Variants in VPS9D1 observed in about 807,000 individuals in gnomAD.
VPS9D1 encodes VPS9 domain-containing protein 1.
Under a neutral mutation model 75.8 loss-of-function variants are expected in VPS9D1, and 78 were observed. The ratio of observed to expected loss-of-function variants is 1.03; its 90% CI spans 0.86 to 1.24. The LOEUF (loss-of-function observed/expected upper bound fraction) is 1.24. Ranked by LOEUF, VPS9D1 falls within the 50% of genes most tolerant of loss-of-function variation. The probability of loss-of-function intolerance (pLI) is 0.00; values close to 1 mark genes in which losing one functional copy is unlikely to be tolerated. For missense variants in VPS9D1, 1,057 were observed against 847.7 expected (o/e 1.25, Z -3.07); for synonymous variants, 481 against 385.6 (o/e 1.25, Z -2.90).
At chr16:89,720,668 T>C (rs1035607203) in intron 1 of VPS9D1, 95 bp downstream of exon 1, 9 of 1,250,202 alleles carry the variant, frequency 7.2e-6, no homozygotes, top group Middle Eastern at 3.1e-4. Context: ...CTCCCAAGTC[T>C]CCAGCCCGAG....
At chr16:89,711,041 C>T (rs1464579403) in intron 9 of VPS9D1, 31 bp from the exon 10 acceptor site, 4 of 1,432,030 alleles carry the variant, frequency 2.8e-6, no homozygotes, top group Admixed American at 2.9e-5. Flanking sequence ...AGAACGCGGC[C>T]AGCCTCGGCC....
Position 89,716,613 on chromosome 16 carries a change from G to A in VPS9D1, c.280C>T (p.Leu94=), listed in dbSNP as rs774620484. Reference sequence around the variant, plus strand: ...GCAGCTGCAGGCATGGTTGGCTTCAGGCGTGTTTTCCCTGCAAGCCATGGG... The same window carrying A: ...GCAGCTGCAGGCATGGTTGGCTTCAAGCGTGTTTTCCCTGCAAGCCATGGG... ...STAAKLGKTR[L]KPTMPAAAPI... The change falls in exon 4 of 15, where the codon CTG becomes TTG. Residue 94 remains leucine (L), a synonymous_variant. Coordinates refer to ENST00000389386, the MANE Select transcript of VPS9D1 (RefSeq NM_004913.3). 2 of 1,613,278 alleles carry A rather than the reference G, an allele frequency of 1.2e-6. No individual in the cohort carries two copies. Among genetic ancestry groups the A allele is most frequent in the East Asian group, 2.2e-5 (1 of 44,862 alleles).
chr16:89,711,611 CCCTCGCTGGGACCCTCCCT>C (rs2060923967), intron 8 of VPS9D1, 199 bp from the exon 9 acceptor site: 9 of 652,144 alleles, frequency 1.4e-5, no homozygotes, highest in Admixed American at 3.1e-5. Context: ...TGGGCCTGCA[CCCTCGCTGGGACCCTCCCT>C]CCTCGCAGGG....
chr16:89,708,453 C>G lies in VPS9D1; in HGVS notation c.1776G>C (p.Ala592=), dbSNP rs760737772. 3 of 1,612,712 alleles carry G rather than the reference C, an allele frequency of 1.9e-6. No individual in the cohort carries two copies. Among genetic ancestry groups the G allele is most frequent in the South Asian group, 2.2e-5 (2 of 90,976 alleles). ...SGLPQLVSEC[A]ALEEFIHEGY... The stretch of plus-strand genomic sequence containing the variant: ...CCTCGTGGATGAACTCCTCCAGGGC[C>G]GCGCACTCCGACACCAGCTGAGGGA... Residue 592 remains alanine (A), a synonymous_variant, in exon 14 of 15, where the codon GCG becomes GCC. Transcript: ENST00000389386.
rs1219985198 is a variant in VPS9D1 at position 89,711,922 on chromosome 16, C to G, written c.707G>C (p.Arg236Pro). The change falls in exon 8 of 15, where the codon CGG becomes CCG. Residue 236 changes from arginine (R) to proline (P), a missense_variant. Coordinates refer to ENST00000389386, the MANE Select transcript of VPS9D1 (RefSeq NM_004913.3). ...VALTPEEREQ[R>P]ALYAAILEYE... is the part of the protein sequence containing the mutation. Reference sequence around the variant, plus strand: ...CTCCAGGATGGCGGCGTAAAGGGCCCGCTGCTCCCGTTCCTCCGGGGTCAG... The same window carrying G: ...CTCCAGGATGGCGGCGTAAAGGGCCGGCTGCTCCCGTTCCTCCGGGGTCAG... 1 of 1,551,576 alleles carries G rather than the reference C, an allele frequency of 6.4e-7. No individual in the cohort carries two copies. The highest frequency in any genetic ancestry group is 8.7e-7 in the Non-Finnish European group (1 of 1,147,146).
At chr16:89,712,317 C>T (rs1358029649) in intron 6 of VPS9D1, 143 bp downstream of exon 6, 10 of 1,379,782 alleles carry the variant, frequency 7.2e-6, no homozygotes, top group Middle Eastern at 2.5e-4. Context: ...CCCTGAGACC[C>T]TGCCTCTGCA....
At position 89,712,061 on chromosome 16, in the gene VPS9D1, C is replaced by G; in HGVS notation, c.645G>C (p.Gln215His). Reference sequence around the variant, plus strand: ...AGGAGTCCCACCTGTTGGCGGCCTCCTGGAGCCGCAGCCGGCGCTCCTCCA... The same window carrying G: ...AGGAGTCCCACCTGTTGGCGGCCTCGTGGAGCCGCAGCCGGCGCTCCTCCA... Reference protein sequence around the residue: ...RKMEERRLRLQEAANRRFCSQ... With the variant: ...RKMEERRLRLHEAANRRFCSQ... The change falls in exon 7 of 15, where the codon CAG (glutamine) becomes CAC (histidine). Residue 215 changes from glutamine (Q) to histidine (H), a missense_variant. By Grantham distance (24) the Gln-to-His change is conservative. Coordinates refer to ENST00000389386, the MANE Select transcript of VPS9D1 (RefSeq NM_004913.3). The G allele has an allele frequency of 6.5e-7, 1 of 1,548,706 alleles. No individual in the cohort carries two copies.
chr16:89,715,083 G>A (rs1388829006), intron 4 of VPS9D1, among the ~76,000 whole-genome samples: 3 of 152,024 alleles, frequency 2.0e-5, no homozygotes, highest in African/African-American at 7.2e-5. Flanking sequence ...ATTCATTCTA[G>A]CTATCTTTTG....
At chr16:89,708,169 C>T (rs993135796) in intron 14 of VPS9D1, among the ~76,000 whole-genome samples, 4 of 152,210 alleles carry the variant, frequency 2.6e-5, no homozygotes, top group Non-Finnish European at 5.9e-5. Flanking sequence ...GATCCTTATC[C>T]CCTCCCCAGG....
chr16:89,709,815 A>C lies in VPS9D1; in HGVS notation c.1350T>G (p.Phe450Leu), dbSNP rs199613905. Residue 450 changes from phenylalanine to leucine, a missense_variant, in exon 11 of 15, where the codon TTT (phenylalanine) becomes TTG (leucine). Transcript: ENST00000389386. ...DRCLACIEEP[F>L]FSPLWPLLLA... ...GCAGCAGAGGCCACAGCGGGGAGAA[A>C]AAGGGTTCCTCAATGCAGGCCAGGC... 3 of 1,613,706 alleles carry C rather than the reference A, an allele frequency of 1.9e-6. No individual in the cohort carries two copies. The highest frequency in any genetic ancestry group is 2.7e-5 in the African/African-American group (2 of 74,968).
chr16:89,719,068 T>C lies in VPS9D1; in HGVS notation c.134A>G (p.Tyr45Cys), dbSNP rs375400111. Residue 45 changes from tyrosine (Y) to cysteine (C), a missense_variant, in exon 2 of 15, where the codon TAT becomes TGT. Tyr to Cys is a radical substitution (Grantham distance 194). Transcript: ENST00000389386. Reference protein sequence around the residue: ...AYTEYLRSIHYISQVLLEEVE... With the variant: ...AYTEYLRSIHCISQVLLEEVE... ...TTCTTCTAGTAACACCTGGGAGATA[T>C]AGTGGATGCTCCTCAGGTATTCCGT... 8 of 1,613,530 alleles carry C rather than the reference T, an allele frequency of 5.0e-6. No homozygotes were observed. The highest frequency in any genetic ancestry group is 4.0e-5 in the African/African-American group (3 of 74,922).
chr16:89,708,427 C>G lies in VPS9D1; in HGVS notation c.1802G>C (p.Gly601Ala). ...CAALEEFIHEGYLIGEEGYCL... is the reference protein window; with the variant it reads ...CAALEEFIHEAYLIGEEGYCL... ...CCCACCCTGACCCGCCAGGGTCTAC[C>G]CCTCGTGGATGAACTCCTCCAGGGC... Residue 601 changes from glycine to alanine, a missense_variant and splice_region_variant, in exon 14 of 15, where the codon GGG becomes GCG. Coordinates refer to ENST00000389386, the MANE Select transcript of VPS9D1 (RefSeq NM_004913.3). 1 of 1,610,796 alleles carries G rather than the reference C, an allele frequency of 6.2e-7. No homozygotes were observed. The highest frequency in any genetic ancestry group is 8.5e-7 in the Non-Finnish European group (1 of 1,179,084).
intron 2 of VPS9D1, chr16:89,717,864 C>CT (rs765340249): frequency 4.4e-6 from 2 of 451,160 alleles, no homozygotes; most frequent in Middle Eastern, 3.2e-4. Flanking sequence ...GTGGCTGCCC[C>CT]GACCTCTGTG....
Position 89,710,896 on chromosome 16 carries a change from C to CG in VPS9D1, c.947dup (p.Thr317AspfsTer75). ...GCCGTCGGCTTCCGGGGTTGGGGGT[C>CG]GGGGGGCAGCAGCCTGGGGCTGGCG... On this transcript the variant is annotated frameshift_variant, in exon 10 of 15. Coordinates refer to ENST00000389386, the MANE Select transcript of VPS9D1 (RefSeq NM_004913.3). LOFTEE classifies it high-confidence loss of function. 4 of 1,328,636 alleles carry CG rather than the reference C, an allele frequency of 3.0e-6. No individual in the cohort carries two copies. Among genetic ancestry groups the CG allele is most frequent in the Non-Finnish European group, 3.9e-6 (4 of 1,012,788 alleles). The allele number at this position is 1,328,636 out of a possible 1,614,324, so 82.3% of individuals were successfully genotyped here.
In VPS9D1 at chr16:89,709,014, C is replaced by A. The variant is rs59660050; in HGVS notation, c.1598-58G>T. The A allele has an allele frequency of 1.3e-5, 20 of 1,491,642 alleles. 1 individual carries two copies. Among genetic ancestry groups the A allele is most frequent in the East Asian group, 5.0e-5 (2 of 39,868 alleles). The allele number at this position is 1,491,642 out of a possible 1,614,324, so 92.4% of individuals were successfully genotyped here. ...ACCCCGTCCAGCAGCCTGAGCCACCCCTTATACCCCGCCCACCCACCCACC... is the reference window on the plus strand; with the variant it reads ...ACCCCGTCCAGCAGCCTGAGCCACCACTTATACCCCGCCCACCCACCCACC... On this transcript the variant is annotated intron_variant, in intron 12 of 14. Coordinates refer to ENST00000389386, the MANE Select transcript of VPS9D1 (RefSeq NM_004913.3).
chr16:89,720,887 G>C lies in VPS9D1; in HGVS notation c.-26C>G. The stretch of plus-strand genomic sequence containing the variant: ...GGCGCCGAGCGGGGGAGGCGGCGGC[G>C]GTAGCCGAGGGGCTGGACGGGCGAC... On this transcript the variant is annotated 5_prime_UTR_variant, in exon 1 of 15. Coordinates refer to ENST00000389386, the MANE Select transcript of VPS9D1 (RefSeq NM_004913.3). The C allele has an allele frequency of 7.5e-7, 1 of 1,333,886 alleles. No individual in the cohort carries two copies. The highest frequency in any genetic ancestry group is 9.6e-7 in the Non-Finnish European group (1 of 1,040,880). 82.6% of individuals were successfully genotyped at this position (1,333,886 alleles called of 1,614,324 possible). A position where few individuals can be genotyped will look rare whatever the true frequency, so the allele number is the denominator to read the frequency against.
In VPS9D1 at chr16:89,707,885, C is replaced by A. The variant is rs775114756; in HGVS notation, c.1872G>T (p.Leu624=). The A allele has an allele frequency of 6.2e-7, 1 of 1,613,164 alleles. No individual in the cohort carries two copies. Among genetic ancestry groups the A allele is most frequent in the Non-Finnish European group, 8.5e-7 (1 of 1,179,966 alleles). ...ACTACTTGGCCAGGCCTCCCCGGGG[C>A]AGCAGCTCCACGTAGCTCAGGGCAC... ...LQSALSYVEL[L]PRGGLAK is the part of the protein sequence containing the mutation. The change falls in exon 15 of 15, where the codon CTG becomes CTT. Residue 624 remains leucine, a synonymous_variant. Coordinates refer to ENST00000389386, the MANE Select transcript of VPS9D1 (RefSeq NM_004913.3).
In VPS9D1 at chr16:89,718,048, G is replaced by A. The variant is rs776831744; in HGVS notation, c.175+979C>T. The A allele has an allele frequency of 8.8e-5, 40 of 453,972 alleles. No homozygotes were observed. In the Middle Eastern group the frequency reaches 2.6e-3, roughly 29 times the overall value. The allele number at this position is 453,972 out of a possible 1,614,324, so 28.1% of individuals were successfully genotyped here. ...GTCCCCCTGACCTCTGTGATCCCAC[G>A]TCCAGTGGCTCCCCCTGACCTCTGT... On this transcript the variant is annotated intron_variant, in intron 2 of 14. Coordinates refer to ENST00000389386, the MANE Select transcript of VPS9D1 (RefSeq NM_004913.3).
intron 1 of VPS9D1, 82 bp downstream of exon 1, chr16:89,720,681 G>A (rs2061237765): frequency 2.3e-6 from 3 of 1,285,302 alleles, no homozygotes; most frequent in South Asian, 2.3e-5. Flanking sequence ...AGCCCGAGCC[G>A]GCCCCGTCCT....
Sources: gnomAD v4.1 joint callset for allele counts (sites outside exome capture counted in the v4.1 genomes callset) on GRCh38, gnomAD v4.1.1 for gene constraint, MANE v1.5 for transcripts, NCBI Gene and HGNC (gene_info 2026-07-23, HGNC 2026-07-21) for gene names.